The following UTP25 variants were observed in gnomAD, a reference collection of about 807,000 sequenced individuals.
The protein encoded by UTP25 is U3 small nucleolar RNA-associated protein 25 homolog.
UTP25 carries 50 observed loss-of-function variants against 78.9 expected under a neutral mutation model. The ratio of observed to expected loss-of-function variants is 0.63; its 90% confidence interval spans 0.50 to 0.80. UTP25 has a LOEUF of 0.80. Ranked by LOEUF, UTP25 falls within the 30% of genes least tolerant of loss-of-function variation. UTP25 has a pLI of 0.00. For synonymous variants in UTP25, 329 were observed against 336.5 expected (o/e 0.98, Z 0.24); for missense variants, 846 against 911.3 (o/e 0.93, Z 0.92).
chr1:209,850,562 A>G (rs976064032), intron 11 of UTP25, among the ~76,000 whole-genome samples: 2 of 152,238 alleles, frequency 1.3e-5, no homozygotes, highest in Admixed American at 1.3e-4. Context: ...CCATACTGCA[A>G]GTCAGTCCCT....
rs2078271632 is a variant in UTP25, at chr1:209,855,838, A to G, written c.*4391A>G. 6.6e-6 allele frequency: 1 copy of G among 152,356 alleles called. No homozygotes were observed. The highest frequency in any genetic ancestry group is 1.5e-5 in the Non-Finnish European group (1 of 68,146). The allele number at this position is 152,356 out of a possible 1,614,324, so 9.4% of individuals were successfully genotyped here. ...TGAATTCCTGCCCATCTGTTCTCCC[A>G]GCTGAGCCAAGGCCAAAGCTGTCTA... is the stretch of plus-strand genomic sequence containing the variant. On this transcript the variant is annotated 3_prime_UTR_variant, in exon 12 of 12. Transcript: ENST00000491415.
At position 209,839,102 on chromosome 1, in the gene UTP25, G is replaced by C. The variant is rs1406968948; in HGVS notation, c.1256G>C (p.Gly419Ala). The change falls in exon 7 of 12, where the codon GGC (glycine) becomes GCC (alanine). Residue 419 changes from glycine to alanine, a missense_variant. By Grantham distance (60) the Gly-to-Ala change is moderately conservative. Coordinates refer to ENST00000491415, the MANE Select transcript of UTP25 (RefSeq NM_014388.7). ...RPEDYEAVFV[G>A]NIDDHFRIGV... is the part of the protein sequence containing the mutation. ...GAGGATTATGAAGCCGTATTTGTGG[G>C]CAATATTGATGACCACTTCAGGATT... 3 of 1,612,758 alleles carry C rather than the reference G, an allele frequency of 1.9e-6. No individual in the cohort carries two copies. Among genetic ancestry groups the C allele is most frequent in the Non-Finnish European group, 2.5e-6 (3 of 1,179,050 alleles).
At position 209,852,467 on chromosome 1, in the gene UTP25, C is replaced by T. The variant is rs565277771; in HGVS notation, c.*1020C>T. 3 of 152,316 alleles carry T rather than the reference C, an allele frequency of 2.0e-5. No individual in the cohort carries two copies. Among genetic ancestry groups the T allele is most frequent in the East Asian group, 1.9e-4 (1 of 5,188 alleles). 9.4% of individuals were successfully genotyped at this position (152,316 alleles called of 1,614,324 possible). ...CATTTCAGATAAGAGATATTCAACTCATCCTAGTATGGACTCGTAGTTTCT... is the reference window on the plus strand; with the variant it reads ...CATTTCAGATAAGAGATATTCAACTTATCCTAGTATGGACTCGTAGTTTCT... On this transcript the variant is annotated 3_prime_UTR_variant, in exon 12 of 12. Transcript: ENST00000491415.
At chr1:209,838,380 T>G (rs932432265) in intron 6 of UTP25, among the ~76,000 whole-genome samples, 2 of 128,902 alleles carry the variant, frequency 1.6e-5, no homozygotes, top group Non-Finnish European at 3.2e-5. Context: ...TTTTTAGAAA[T>G]GCTTTATTGT....
chr1:209,843,432 C>T lies in UTP25; in HGVS notation c.1782-19C>T. 6.2e-7 allele frequency: 1 copy of T among 1,612,564 alleles called. No homozygotes were observed. The highest frequency in any genetic ancestry group is 8.5e-7 in the Non-Finnish European group (1 of 1,179,118). On this transcript the variant is annotated intron_variant, in intron 10 of 11. Coordinates refer to ENST00000491415, the MANE Select transcript of UTP25 (RefSeq NM_014388.7). The stretch of plus-strand genomic sequence containing the variant: ...CTTAGCTCTAGACATTAATTTTGCC[C>T]TTTGCCATTCCAAATCAGGTTTAAC...
chr1:209,838,615 G>A (rs916699945), intron 6 of UTP25, among the ~76,000 whole-genome samples: 1 of 152,154 alleles, frequency 6.6e-6, no homozygotes, highest in East Asian at 1.9e-4. Flanking sequence ...ACTGGTAGAC[G>A]TATCTGTTAG....
chr1:209,834,073 T>G (rs2078118338), intron 4 of UTP25, among the ~76,000 whole-genome samples: 1 of 152,184 alleles, frequency 6.6e-6, no homozygotes, highest in South Asian at 2.1e-4. Context: ...TGTTGGTTAT[T>G]TTGCAGGAGA....
In UTP25 at chr1:209,854,015, G is replaced by A. The variant is rs1434562164; in HGVS notation, c.*2568G>A. 6.6e-6 allele frequency: 1 copy of A among 152,172 alleles called. No individual in the cohort carries two copies. The highest frequency in any genetic ancestry group is 1.5e-5 in the Non-Finnish European group (1 of 68,042). 9.4% of individuals were successfully genotyped at this position (152,172 alleles called of 1,614,324 possible). On this transcript the variant is annotated 3_prime_UTR_variant, in exon 12 of 12. Coordinates refer to ENST00000491415, the MANE Select transcript of UTP25 (RefSeq NM_014388.7). The stretch of plus-strand genomic sequence containing the variant: ...CTGGCTCCTTAGTGCATTGCAGAGT[G>A]GAGTCTCTGCAATGGTTTTATTAAA...
chr1:209,837,900 T>G (rs1260871365), intron 6 of UTP25, among the ~76,000 whole-genome samples: 1 of 152,224 alleles, frequency 6.6e-6, no homozygotes, highest in Non-Finnish European at 1.5e-5. Context: ...AAGCCTCATC[T>G]TTTTAGAATT....
Position 209,828,186 on chromosome 1 carries a change from G to T in UTP25, c.107+16G>T. The T allele has an allele frequency of 2.0e-5, 32 of 1,596,896 alleles. No homozygotes were observed. The highest frequency in any genetic ancestry group is 2.7e-5 in the Non-Finnish European group (32 of 1,164,540). On this transcript the variant is annotated intron_variant, in intron 1 of 11. Transcript: ENST00000491415. Reference sequence around the variant, plus strand: ...TCTATGACAGGTCTGAAGGGGCGTGGCAGGGCTCCCCAGTCGCCAGAGATG... The same window carrying T: ...TCTATGACAGGTCTGAAGGGGCGTGTCAGGGCTCCCCAGTCGCCAGAGATG...
rs370440596 is a variant in UTP25 at position 209,839,126 on chromosome 1, T to C, written c.1280T>C (p.Ile427Thr). ...GGCAATATTGATGACCACTTCAGGA[T>C]TGGTAATTCTTCCTTATCAACTTTG... The part of the protein sequence containing the change: ...FVGNIDDHFR[I>T]GVAILQRSIR... The change falls in exon 7 of 12, where the codon ATT becomes ACT. Residue 427 changes from isoleucine to threonine, a missense_variant and splice_region_variant. Physicochemically the swap from Ile to Thr is moderately conservative, Grantham distance 89 (BLOSUM62 -1). Coordinates refer to ENST00000491415, the MANE Select transcript of UTP25 (RefSeq NM_014388.7). The C allele has an allele frequency of 6.2e-6, 10 of 1,601,374 alleles. No individual in the cohort carries two copies. In the East Asian group the frequency reaches 9.0e-5, roughly 14 times the overall value.
In UTP25 at chr1:209,839,000, T is replaced by C. The variant is rs751920227; in HGVS notation, c.1154T>C (p.Ile385Thr). The C allele has an allele frequency of 2.1e-5, 34 of 1,613,992 alleles. No homozygotes were observed. In the Admixed American group the frequency reaches 4.5e-4, roughly 21 times the overall value. Residue 385 changes from isoleucine to threonine, a missense_variant, in exon 7 of 12, where the codon ATT (isoleucine) becomes ACT (threonine). Physicochemically the swap from Ile to Thr is moderately conservative, Grantham distance 89. Coordinates refer to ENST00000491415, the MANE Select transcript of UTP25 (RefSeq NM_014388.7). ...GAGGGTGACAGCAAGAAGAAAATCA[T>C]TGTGAGCAACAAAAAGAGGTTTCAG... ...LLEGDSKKKI[I>T]VSNKKRFQGE... is the part of the protein sequence containing the mutation.
At chr1:209,837,914 T>C (rs1189951337) in intron 6 of UTP25, among the ~76,000 whole-genome samples, 1 of 152,242 alleles carries the variant, frequency 6.6e-6, no homozygotes, top group African/African-American at 2.4e-5. Flanking sequence ...TAGAATTTTC[T>C]CATTGAGTTT....
chr1:209,833,206 C>T lies in UTP25; in HGVS notation c.410C>T (p.Pro137Leu), dbSNP rs2078112874. The change falls in exon 4 of 12, where the codon CCT becomes CTT. Residue 137 changes from proline (P) to leucine (L), a missense_variant. Pro to Leu is a moderately conservative substitution (Grantham distance 98, BLOSUM62 -3). Coordinates refer to ENST00000491415, the MANE Select transcript of UTP25 (RefSeq NM_014388.7). ...GCAGATGTAGCTTTATCTGCTGACC[C>T]TGAGGGAAAAGAAGATGGGGAAGAG... is the stretch of plus-strand genomic sequence containing the variant. ...SPENVALSAD[P>L]EGKEDGEEPP... The T allele has an allele frequency of 6.2e-7, 1 of 1,613,576 alleles. No individual in the cohort carries two copies. Among genetic ancestry groups the T allele is most frequent in the Non-Finnish European group, 8.5e-7 (1 of 1,179,786 alleles).
chr1:209,832,208 C>T (rs2078107284), intron 3 of UTP25, among the ~76,000 whole-genome samples: 1 of 151,690 alleles, frequency 6.6e-6, no homozygotes, highest in African/African-American at 2.4e-5. Context: ...TATAGTTACC[C>T]TCTATCCCTG....
At position 209,845,697 on chromosome 1, in the gene UTP25, C is replaced by T. The variant is rs143673892; in HGVS notation, c.2027+2001C>T. 8.4e-3 allele frequency among the ~76,000 whole-genome samples: 1,284 copies of T among 152,068 alleles called. 20 individuals are homozygous for T. The highest frequency in any genetic ancestry group is 0.03 in the African/African-American group (1,224 of 41,476). ...GTAGAAGATGAATGAAAATAATGTG[C>T]TTTAGAGTTCTGCAACAGCTAATTA... On this transcript the variant is annotated intron_variant, in intron 11 of 11. Transcript: ENST00000491415.
Position 209,828,031 on chromosome 1 carries a change from C to T in UTP25, c.-33C>T. 1 of 1,573,436 alleles carries T rather than the reference C, an allele frequency of 6.4e-7. No individual in the cohort carries two copies. Among genetic ancestry groups the T allele is most frequent in the Non-Finnish European group, 8.7e-7 (1 of 1,143,022 alleles). ...ACAACTTCCTGGTGGAAAACCGCGA[C>T]TCTTGCAAGTGGGCAAACTTGACGT... On this transcript the variant is annotated 5_prime_UTR_variant, in exon 1 of 12. Coordinates refer to ENST00000491415, the MANE Select transcript of UTP25 (RefSeq NM_014388.7).
chr1:209,842,936 C>G (rs1572005948), intron 10 of UTP25: 2 of 498,542 alleles, frequency 4.0e-6, no homozygotes, highest in Admixed American at 3.7e-5. Flanking sequence ...AGGACTCTTT[C>G]ACTCTTGACT....
At chr1:209,842,753 A>G in intron 10 of UTP25, 58 bp downstream of exon 10, 1 of 1,292,890 alleles carries the variant, frequency 7.7e-7, no homozygotes. Flanking sequence ...TGACTTGGGC[A>G]TACAAACCTA....
Sources: allele counts gnomAD v4.1 joint callset (sites outside exome capture counted in the v4.1 genomes callset), GRCh38; gene constraint gnomAD v4.1.1; transcripts MANE v1.5; gene names NCBI Gene and HGNC (gene_info 2026-07-23, HGNC 2026-07-21).